Variants in ANO10 observed in about 807,000 individuals in gnomAD.
ANO10 encodes the protein anoctamin 10, also known as anoctamin-10.
Under a neutral mutation model 74.7 loss-of-function variants are expected in ANO10, and 77 were observed. The ratio of observed to expected loss-of-function variants is 1.03; its 90% CI spans 0.86 to 1.25. ANO10 has a LOEUF of 1.25. Ranked by LOEUF, ANO10 falls within the 50% of genes most tolerant of loss-of-function variation. ANO10 has a pLI of 0.00. For missense variants in ANO10, 721 were observed against 778.1 expected (o/e 0.93, Z 0.87); for synonymous variants, 279 against 284.9 (o/e 0.98, Z 0.21).
chr3:43,513,623 G>A (rs570922911), intron 11 of ANO10, among the ~76,000 whole-genome samples: 67 of 152,226 alleles, frequency 4.4e-4, no homozygotes, highest in African/African-American at 1.6e-3. Context: ...CCATTCTCCT[G>A]CCTCAGCCTC....
At chr3:43,496,937 C>A (rs1299057390) in intron 11 of ANO10, among the ~76,000 whole-genome samples, 2 of 152,178 alleles carry the variant, frequency 1.3e-5, no homozygotes, top group Non-Finnish European at 2.9e-5. Flanking sequence ...GTGATTTAGG[C>A]CATGTCCTCC....
chr3:43,657,407 G>A (rs1022580848), intron 1 of ANO10, among the ~76,000 whole-genome samples: 3 of 152,168 alleles, frequency 2.0e-5, no homozygotes, highest in Non-Finnish European at 2.9e-5. Context: ...GACTATCACC[G>A]GGCTGGAGCT....
intron 11 of ANO10, among the ~76,000 whole-genome samples, chr3:43,473,642 T>C (rs1039108208): frequency 3.3e-4 from 50 of 152,228 alleles, no homozygotes; most frequent in Admixed American, 3.3e-3. Flanking sequence ...AAGAAAATAG[T>C]TGATTTAACT....
rs988103087 is a variant in ANO10 at position 43,367,087 on chromosome 3, T to C, written c.1915-113A>G. 12 of 980,186 alleles carry C rather than the reference T, an allele frequency of 1.2e-5. No individual in the cohort carries two copies. The African/African-American group carries it at 1.9e-4, about 16-fold the overall frequency. 60.7% of individuals were successfully genotyped at this position (980,186 alleles called of 1,614,324 possible). A position where few individuals can be genotyped will look rare whatever the true frequency, so the allele number is the denominator to read the frequency against. ...GCTTTGACCCCAGGGAAGTGGTGAC[T>C]CTGATGCTGCCTGCAGCTTCCTGCA... On this transcript the variant is annotated intron_variant, in intron 12 of 12. Transcript: ENST00000292246.
chr3:43,537,400 C>A (rs1011166490), intron 11 of ANO10, among the ~76,000 whole-genome samples: 2 of 152,126 alleles, frequency 1.3e-5, no homozygotes, highest in Non-Finnish European at 2.9e-5. Context: ...ATTATTAGCA[C>A]AGATGGTGCC....
intron 1 of ANO10, among the ~76,000 whole-genome samples, chr3:43,684,848 G>A (rs962774991): frequency 2.0e-5 from 3 of 152,040 alleles, no homozygotes; most frequent in Admixed American, 6.6e-5. Context: ...ACCAAACACC[G>A]CATGTTCTCA....
chr3:43,493,231 A>G (rs2149124011), intron 11 of ANO10, among the ~76,000 whole-genome samples: 1 of 152,304 alleles, frequency 6.6e-6, no homozygotes, highest in East Asian at 1.9e-4. Flanking sequence ...AACAATGAGA[A>G]CACATGGACA....
At chr3:43,460,282 T>C (rs1461835664) in intron 11 of ANO10, among the ~76,000 whole-genome samples, 4 of 152,320 alleles carry the variant, frequency 2.6e-5, no homozygotes, top group African/African-American at 9.6e-5. Context: ...ACCTGGACAA[T>C]GCCCTCATAA....
intron 12 of ANO10, 117 bp from the exon 13 acceptor site, chr3:43,367,091 A>G: frequency 2.1e-6 from 2 of 945,890 alleles, no homozygotes; most frequent in Non-Finnish European, 3.3e-6. Context: ...GGTGACTCTG[A>G]TGCTGCCTGC....
At chr3:43,447,507 T>C (rs1034149538) in intron 11 of ANO10, among the ~76,000 whole-genome samples, 1 of 152,222 alleles carries the variant, frequency 6.6e-6, no homozygotes, top group African/African-American at 2.4e-5. Context: ...GCATTTTGCT[T>C]TTTTTGTAAA....
chr3:43,468,761 A>G (rs1575950616), intron 11 of ANO10, among the ~76,000 whole-genome samples: 1 of 146,952 alleles, frequency 6.8e-6, no homozygotes. Flanking sequence ...CCCAGGCTGG[A>G]GTGCAGTAGT....
chr3:43,584,694 A>G (rs906438980), intron 4 of ANO10, among the ~76,000 whole-genome samples: 1 of 152,170 alleles, frequency 6.6e-6, no homozygotes, highest in Non-Finnish European at 1.5e-5. Flanking sequence ...TGGACCTACA[A>G]TGCACATCTC....
upstream of ANO10, among the ~76,000 whole-genome samples, chr3:43,624,451 TC>T (rs2083474663): frequency 1.3e-5 from 2 of 152,208 alleles, no homozygotes; most frequent in Admixed American, 1.3e-4. Flanking sequence ...CTTGGTGCTG[TC>T]CTCGAAATAG....
At chr3:43,596,081 A>T (rs1037699593) in intron 4 of ANO10, among the ~76,000 whole-genome samples, 8 of 152,334 alleles carry the variant, frequency 5.3e-5, no homozygotes, top group Admixed American at 2.0e-4. Flanking sequence ...CTTCAAGGAG[A>T]ATTACAAACC....
intron 10 of ANO10, among the ~76,000 whole-genome samples, chr3:43,554,193 T>C (rs578106550): frequency 7.9e-5 from 12 of 151,212 alleles, no homozygotes; most frequent in African/African-American, 1.9e-4. Flanking sequence ...TTTCTTTTTT[T>C]TTTTTTTTTT....
intron 11 of ANO10, chr3:43,485,200 G>A (rs1266750255): frequency 5.8e-6 from 4 of 689,806 alleles, no homozygotes; most frequent in East Asian, 2.6e-5. Flanking sequence ...GTCAGGTACC[G>A]GTATTGCCGG....
At chr3:43,382,737 C>T (rs1245548679) in intron 12 of ANO10, among the ~76,000 whole-genome samples, 1 of 150,252 alleles carries the variant, frequency 6.7e-6, no homozygotes, top group African/African-American at 2.5e-5. Flanking sequence ...ATTCAGGCTA[C>T]TATGAACACC....
At chr3:43,593,614 A>C (rs1394324838) in intron 4 of ANO10, among the ~76,000 whole-genome samples, 1 of 152,224 alleles carries the variant, frequency 6.6e-6, no homozygotes, top group Non-Finnish European at 1.5e-5. Context: ...AGGAAGCACT[A>C]AACATGGATT....
rs1228082654 is a variant in ANO10, at chr3:43,555,345, G to A, written c.1601C>T (p.Ala534Val). The change falls in exon 10 of 13, where the codon GCC (alanine) becomes GTC (valine). Residue 534 changes from alanine (A) to valine (V), a missense_variant. By Grantham distance (64) the Ala-to-Val change is moderately conservative. Coordinates refer to ENST00000292246, the MANE Select transcript of ANO10 (RefSeq NM_018075.5). ...TTTGAAGACCCTGCACATTTTTAAG[G>A]CATCTGAATTTACTTCAGTGAAGTT... The part of the protein sequence containing the change: ...LNNFTEVNSD[A>V]LKMCRVFKRP... 1 of 1,613,968 alleles carries A rather than the reference G, an allele frequency of 6.2e-7. No homozygotes were observed. Among genetic ancestry groups the A allele is most frequent in the Non-Finnish European group, 8.5e-7 (1 of 1,180,020 alleles).
Sources: allele counts gnomAD v4.1 joint callset (sites outside exome capture counted in the v4.1 genomes callset), GRCh38; gene constraint gnomAD v4.1.1; transcripts MANE v1.5; gene names NCBI Gene and HGNC (gene_info 2026-07-23, HGNC 2026-07-21).